DCTN4: variants seen among roughly 807,000 people sequenced by gnomAD.
DCTN4 encodes dynactin subunit 4.
DCTN4 carries 23 observed loss-of-function variants against 62.7 expected under a neutral mutation model. That is an observed-to-expected ratio of 0.37 (90% CI 0.26 to 0.52). The LOEUF (loss-of-function observed/expected upper bound fraction) is 0.52. Among genes scored for constraint, DCTN4 ranks in the 20% least tolerant of loss-of-function variants. The pLI is 0.92. For synonymous variants in DCTN4, 199 were observed against 202.1 expected, an observed-to-expected ratio of 0.98 and a Z score of 0.13; for missense variants, 514 against 580.4, an observed-to-expected ratio of 0.89 and a Z score of 1.18.
In DCTN4 at chr5:150,723,751, T is replaced by G. The variant is rs193052072; in HGVS notation, c.835-771A>C. On this transcript the variant is annotated intron_variant, in intron 8 of 12. Transcript: ENST00000447998. ...ATTACCCATTATCTGTCTGTCCCCT[T>G]GTTTTCTCCAGATAGCCTATGCACA... Among the ~76,000 whole-genome samples the G allele has an allele frequency of 1.7e-3, 257 of 152,368 alleles. 1 individual carries two copies. Among genetic ancestry groups the G allele is most frequent in the Admixed American group, 6.6e-3 (101 of 15,300 alleles).
intron 8 of DCTN4, among the ~76,000 whole-genome samples, chr5:150,723,882 T>C (rs1251512316): frequency 6.6e-6 from 1 of 152,214 alleles, no homozygotes; most frequent in Non-Finnish European, 1.5e-5. Context: ...TGGAATTAAT[T>C]CCATTTCAGT....
chr5:150,750,483 G>A (rs968568762), intron 3 of DCTN4, among the ~76,000 whole-genome samples: 1 of 152,160 alleles, frequency 6.6e-6, no homozygotes, highest in Admixed American at 6.5e-5. Context: ...TTACACTTGT[G>A]CCTTAGGAAA....
intron 9 of DCTN4, among the ~76,000 whole-genome samples, chr5:150,721,613 A>G (rs527625156): frequency 3.9e-5 from 6 of 152,228 alleles, no homozygotes; most frequent in Non-Finnish European, 8.8e-5. Flanking sequence ...TATACAGTGT[A>G]TCTTCTGGTC....
At chr5:150,713,930 A>G (rs977654446) in intron 12 of DCTN4, among the ~76,000 whole-genome samples, 5 of 151,886 alleles carry the variant, frequency 3.3e-5, no homozygotes, top group African/African-American at 1.2e-4. Context: ...CAGCCTGGGC[A>G]ACATGGCAAA....
At chr5:150,728,401 A>G (rs1024192204) in intron 8 of DCTN4, among the ~76,000 whole-genome samples, 2 of 152,190 alleles carry the variant, frequency 1.3e-5, no homozygotes, top group East Asian at 1.9e-4. Context: ...AGTAGTCTAT[A>G]TATGCCCATT....
At chr5:150,720,541 C>A (rs531981453) in intron 9 of DCTN4, among the ~76,000 whole-genome samples, 1 of 150,376 alleles carries the variant, frequency 6.6e-6, no homozygotes, top group Non-Finnish European at 1.5e-5. Context: ...TGTAACGGCA[C>A]AATCATGACT....
chr5:150,739,748 A>G (rs1392921180), intron 4 of DCTN4, among the ~76,000 whole-genome samples: 4 of 152,368 alleles, frequency 2.6e-5, no homozygotes, highest in African/African-American at 7.2e-5. Flanking sequence ...TCAATGAAAC[A>G]GAATAGAGAA....
intron 3 of DCTN4, among the ~76,000 whole-genome samples, chr5:150,747,251 C>G (rs1234518436): frequency 6.6e-6 from 1 of 152,122 alleles, no homozygotes; most frequent in Non-Finnish European, 1.5e-5. Flanking sequence ...AGGACCTCTT[C>G]GAGGAGAACT....
At chr5:150,754,711 T>C (rs1448060299) in intron 2 of DCTN4, among the ~76,000 whole-genome samples, 1 of 152,188 alleles carries the variant, frequency 6.6e-6, no homozygotes, top group East Asian at 1.9e-4. Flanking sequence ...CTCACGCTTG[T>C]AATCCCAGCA....
intron 3 of DCTN4, among the ~76,000 whole-genome samples, chr5:150,745,060 G>C (rs1760910778): frequency 6.6e-6 from 1 of 150,584 alleles, no homozygotes; most frequent in Admixed American, 6.6e-5. Context: ...CACATGCAGA[G>C]ACACACACAG....
rs935845155 is a variant in DCTN4 at position 150,720,276 on chromosome 5, T to C, written c.909-506A>G. Among the ~76,000 whole-genome samples, 4 of 152,322 alleles carry C rather than the reference T, an allele frequency of 2.6e-5. No homozygotes were observed. The South Asian group carries it at 8.3e-4, about 32-fold the overall frequency. On this transcript the variant is annotated intron_variant, in intron 9 of 12. Coordinates refer to ENST00000447998, the MANE Select transcript of DCTN4 (RefSeq NM_016221.4). ...GGAAAAAGTACATCTTAGAATCAGATATTTAAACTTTAAACGAGCTATTTT... is the reference window on the plus strand; with the variant it reads ...GGAAAAAGTACATCTTAGAATCAGACATTTAAACTTTAAACGAGCTATTTT...
intron 2 of DCTN4, chr5:150,755,595 C>A (rs1175388445): frequency 2.2e-6 from 1 of 456,194 alleles, no homozygotes; most frequent in Non-Finnish European, 4.4e-6. Context: ...TCATGCAAAT[C>A]CTAATGAAAT....
At chr5:150,743,647 A>G (rs963575780) in intron 3 of DCTN4, among the ~76,000 whole-genome samples, 3 of 152,168 alleles carry the variant, frequency 2.0e-5, no homozygotes, top group African/African-American at 7.2e-5. Flanking sequence ...ATTCACGAAA[A>G]TCTGTGGTTC....
intron 11 of DCTN4, among the ~76,000 whole-genome samples, chr5:150,717,518 G>C (rs1759809814): frequency 6.6e-6 from 1 of 152,172 alleles, no homozygotes; most frequent in African/African-American, 2.4e-5. Flanking sequence ...AAAGTGCTAG[G>C]ATTACAGGCG....
At chr5:150,741,078 T>C (rs1760751101) in intron 4 of DCTN4, among the ~76,000 whole-genome samples, 2 of 149,732 alleles carry the variant, frequency 1.3e-5, no homozygotes, top group South Asian at 4.2e-4. Flanking sequence ...GGTGGGAGGA[T>C]TGCTTAAGCC....
intron 4 of DCTN4, among the ~76,000 whole-genome samples, chr5:150,737,589 C>G (rs1760627640): frequency 6.6e-6 from 1 of 151,962 alleles, no homozygotes; most frequent in African/African-American, 2.4e-5. Flanking sequence ...TGAGACACAA[C>G]CTATCAAAAG....
At chr5:150,756,649 T>TTTTC (rs1554122396) in intron 1 of DCTN4, among the ~76,000 whole-genome samples, 162 bp from the exon 2 acceptor site, 28 of 151,578 alleles carry the variant, frequency 1.8e-4, no homozygotes, top group African/African-American at 5.6e-4. Context: ...GTTTTTTTTT[T>TTTTC]TTCTTCTTCT....
At chr5:150,716,427 A>T (rs535265133) in intron 11 of DCTN4, among the ~76,000 whole-genome samples, 1 of 152,198 alleles carries the variant, frequency 6.6e-6, no homozygotes, top group Non-Finnish European at 1.5e-5. Context: ...AACAATTAGC[A>T]TTCTTCAGAC....
chr5:150,748,453 C>A (rs1047828511), intron 3 of DCTN4, among the ~76,000 whole-genome samples: 1 of 152,026 alleles, frequency 6.6e-6, no homozygotes, highest in African/African-American at 2.4e-5. Context: ...ACCCAAAGAA[C>A]TATAAATCAT....
Sources: gnomAD v4.1 joint callset for allele counts (sites outside exome capture counted in the v4.1 genomes callset) on GRCh38, gnomAD v4.1.1 for gene constraint, MANE v1.5 for transcripts, NCBI Gene and HGNC (gene_info 2026-07-23, HGNC 2026-07-21) for gene names.